The following DARS2 variants were observed in gnomAD, a reference collection of about 807,000 sequenced individuals.
DARS2 encodes the protein aspartate--tRNA ligase, mitochondrial.
A neutral mutation model predicts 83.0 loss-of-function variants in DARS2; 63 were observed. The ratio of observed to expected loss-of-function variants is 0.76; its 90% CI spans 0.62 to 0.94. The LOEUF (loss-of-function observed/expected upper bound fraction) is 0.94. DARS2 is among the 40% of genes least tolerant of loss of function. The probability of loss-of-function intolerance (pLI) is 0.00; values close to 1 mark genes in which losing one functional copy is unlikely to be tolerated. For missense variants in DARS2, 675 were observed against 774.4 expected, an observed-to-expected ratio of 0.87 and a Z score of 1.52; for synonymous variants, 250 against 269.3, an observed-to-expected ratio of 0.93 and a Z score of 0.70.
At chr1:173,834,421 T>G in intron 6 of DARS2, 52 bp from the exon 7 acceptor site, 1 of 1,372,388 alleles carries the variant, frequency 7.3e-7, no homozygotes, top group South Asian at 1.2e-5. Flanking sequence ...ACATCATATA[T>G]GACAAATTTC....
intron 13 of DARS2, chr1:173,851,873 T>A: frequency 4.1e-6 from 4 of 985,380 alleles, no homozygotes; most frequent in Non-Finnish European, 4.8e-6. Flanking sequence ...CTAAATGTAA[T>A]CCCCCGTCTC....
chr1:173,854,137 G>A lies in DARS2; in HGVS notation c.1674+232G>A, dbSNP rs543600067. Among the ~76,000 whole-genome samples the A allele has an allele frequency of 2.6e-5, 4 of 152,012 alleles. No individual in the cohort carries two copies. The South Asian group carries it at 6.3e-4, about 24-fold the overall frequency. ...ACTACAGGCACATGCCACCATGCCC[G>A]GCAAATTTTTTTATTTTTTTGAAGA... On this transcript the variant is annotated intron_variant, in intron 15 of 16. Coordinates refer to ENST00000649689, the MANE Select transcript of DARS2 (RefSeq NM_018122.5).
chr1:173,839,924 A>G (rs1010535070), intron 10 of DARS2, among the ~76,000 whole-genome samples: 2 of 152,138 alleles, frequency 1.3e-5, no homozygotes, highest in Non-Finnish European at 2.9e-5. Context: ...ACATATGACA[A>G]TGTTTATTCA....
At chr1:173,833,677 A>T (rs1652877047) in intron 6 of DARS2, among the ~76,000 whole-genome samples, 178 bp downstream of exon 6, 1 of 152,240 alleles carries the variant, frequency 6.6e-6, no homozygotes, top group Admixed American at 6.5e-5. Flanking sequence ...GATGATAAAG[A>T]TGATAGTCGC....
intron 5 of DARS2, 92 bp from the exon 6 acceptor site, chr1:173,833,284 C>G: frequency 8.4e-7 from 1 of 1,189,900 alleles, no homozygotes; most frequent in Non-Finnish European, 1.2e-6. Flanking sequence ...AAAGACAGAG[C>G]TAAAATTTTT....
intron 3 of DARS2, among the ~76,000 whole-genome samples, chr1:173,828,818 T>C (rs1306675539): frequency 1.3e-5 from 2 of 152,182 alleles, no homozygotes; most frequent in African/African-American, 4.8e-5. Flanking sequence ...ATATCAAAAC[T>C]ATAAATGCAT....
intron 12 of DARS2, among the ~76,000 whole-genome samples, chr1:173,845,704 G>A (rs1488632608): frequency 2.0e-5 from 3 of 152,142 alleles, no homozygotes; most frequent in Non-Finnish European, 4.4e-5. Flanking sequence ...CTCCAGCCTA[G>A]GCATCAGAGC....
In DARS2 at chr1:173,831,600, G is replaced by C; in HGVS notation, c.462G>C (p.Lys154Asn). The change falls in exon 5 of 17, where the codon AAG becomes AAC. Residue 154 changes from lysine (K) to asparagine (N), a missense_variant. Transcript: ENST00000649689. The stretch of plus-strand genomic sequence containing the variant: ...CTGAGCTTCTGAATGCCTGCAAGAA[G>C]CTGCCCTTTGAAATTAAGAACTTCG... ...KTAELLNACKKLPFEIKNFVK... is the reference protein window; with the variant it reads ...KTAELLNACKNLPFEIKNFVK... 3 of 1,614,044 alleles carry C rather than the reference G, an allele frequency of 1.9e-6. No homozygotes were observed. Among genetic ancestry groups the C allele is most frequent in the Non-Finnish European group, 2.5e-6 (3 of 1,179,928 alleles).
intron 1 of DARS2, 148 bp from the exon 2 acceptor site, chr1:173,826,539 A>G (rs1652575897): frequency 3.2e-6 from 2 of 630,692 alleles, no homozygotes; most frequent in Admixed American, 3.0e-5. Flanking sequence ...ATTAAATTAC[A>G]TACTCTGACT....
chr1:173,827,291 T>C (rs948475851), intron 2 of DARS2, among the ~76,000 whole-genome samples: 1 of 152,154 alleles, frequency 6.6e-6, no homozygotes, highest in Admixed American at 6.5e-5. Flanking sequence ...GAATAGAACA[T>C]TAATTCACAT....
At chr1:173,833,858 T>C (rs111556737) in intron 6 of DARS2, among the ~76,000 whole-genome samples, 13,672 of 151,816 alleles carry the variant, frequency 0.09, 1,971 homozygotes, top group African/African-American at 0.31. Flanking sequence ...CTTTTAGGCT[T>C]AACCGATCCT....
intron 11 of DARS2, among the ~76,000 whole-genome samples, chr1:173,842,236 T>C (rs992373540): frequency 2.0e-5 from 3 of 150,384 alleles, no homozygotes; most frequent in Non-Finnish European, 4.4e-5. Flanking sequence ...TACATAAGCA[T>C]TATATTCAGA....
chr1:173,835,421 T>TA (rs1480380388), intron 7 of DARS2, among the ~76,000 whole-genome samples: 1 of 150,956 alleles, frequency 6.6e-6, no homozygotes, highest in Non-Finnish European at 1.5e-5. Flanking sequence ...ACAAATCTAT[T>TA]GGCCGGGCGC....
chr1:173,851,898 T>C (rs1571997245), intron 13 of DARS2: 4 of 985,358 alleles, frequency 4.1e-6, no homozygotes, highest in Non-Finnish European at 3.6e-6. Flanking sequence ...TCCCCTACAA[T>C]AGTAAAATGA....
At chr1:173,826,294 C>T (rs1652558504) in intron 1 of DARS2, among the ~76,000 whole-genome samples, 1 of 152,020 alleles carries the variant, frequency 6.6e-6, no homozygotes, top group African/African-American at 2.4e-5. Context: ...CTGTTAAACA[C>T]TAGATTCATA....
chr1:173,827,257 A>T (rs1652617201), intron 2 of DARS2, among the ~76,000 whole-genome samples: 1 of 152,222 alleles, frequency 6.6e-6, no homozygotes, highest in Admixed American at 6.5e-5. Flanking sequence ...GTTGTTGTTC[A>T]TCTCTCTATT....
At chr1:173,832,248 T>C (rs549457177) in intron 5 of DARS2, among the ~76,000 whole-genome samples, 3 of 152,100 alleles carry the variant, frequency 2.0e-5, no homozygotes, top group Non-Finnish European at 4.4e-5. Context: ...CAATTAGTCT[T>C]ACATTTAAGT....
chr1:173,837,147 A>C (rs1223328398), intron 8 of DARS2, 101 bp downstream of exon 8: 1 of 1,072,144 alleles, frequency 9.3e-7, no homozygotes, highest in Non-Finnish European at 1.4e-6. Flanking sequence ...AGAAGGATAG[A>C]AAATTTATGA....
At chr1:173,856,819 T>C in intron 16 of DARS2, 78 bp downstream of exon 16, 1 of 1,251,150 alleles carries the variant, frequency 8.0e-7, no homozygotes, top group South Asian at 1.2e-5. Context: ...TTTGTGTTGG[T>C]AGAGGTGGAA....
Sources: gnomAD v4.1 joint callset for allele counts (sites outside exome capture counted in the v4.1 genomes callset) on GRCh38, gnomAD v4.1.1 for gene constraint, MANE v1.5 for transcripts, NCBI Gene and HGNC (gene_info 2026-07-23, HGNC 2026-07-21) for gene names.